Variants in PAK2 observed in about 807,000 individuals in gnomAD.
PAK2 encodes the protein p21 (RAC1) activated kinase 2, also known as serine/threonine-protein kinase PAK 2.
PAK2 carries 21 observed loss-of-function variants against 65.9 expected under a neutral mutation model. The observed-to-expected ratio is 0.32, with a 90% CI of 0.23 to 0.46. PAK2 has a LOEUF of 0.46. Ranked by LOEUF, PAK2 falls within the 20% of genes least tolerant of loss-of-function variation. The pLI, the probability that PAK2 is intolerant of heterozygous loss-of-function variation, is 1.00. For missense variants in PAK2, 324 were observed against 642.6 expected (o/e 0.50, Z 5.36); for synonymous variants, 204 against 219.7 (o/e 0.93, Z 0.63).
In PAK2 at chr3:196,828,453, C is replaced by T. The variant is rs369652191; in HGVS notation, c.*48C>T. On this transcript the variant is annotated 3_prime_UTR_variant, in exon 15 of 15. Coordinates refer to ENST00000327134, the MANE Select transcript of PAK2 (RefSeq NM_002577.4). ...TCTTTTTTCCATTTTCTACAAGAAG[C>T]CTTTTAGTATATGAAAATTATTACT... 3.7e-6 allele frequency: 4 copies of T among 1,082,556 alleles called. No homozygotes were observed. In the Admixed American group the frequency reaches 5.6e-5, roughly 15 times the overall value. The allele number at this position is 1,082,556 out of a possible 1,614,324, so 67.1% of individuals were successfully genotyped here.
chr3:196,760,038 A>G (rs1713910141), intron 1 of PAK2, among the ~76,000 whole-genome samples: 1 of 152,070 alleles, frequency 6.6e-6, no homozygotes, highest in Non-Finnish European at 1.5e-5. Flanking sequence ...GGTTTCTTTC[A>G]TTTAACACAG....
intron 1 of PAK2, among the ~76,000 whole-genome samples, chr3:196,751,741 CTTTTTT>C (rs200558658): frequency 0.012 from 950 of 79,300 alleles, 56 homozygotes; most frequent in African/African-American, 0.054. Flanking sequence ...AAATGAATTT[CTTTTTT>C]TTTTTTTTTT....
At position 196,786,397 on chromosome 3, in the gene PAK2, G is replaced by T. The variant is rs1336694178; in HGVS notation, c.187+3564G>T. The stretch of plus-strand genomic sequence containing the variant: ...AGGCTGGTCTTGAACTTCTGACCTT[G>T]TGATCCACCTGCCTCAGCCTCCCAA... On this transcript the variant is annotated intron_variant, in intron 2 of 14. Coordinates refer to ENST00000327134, the MANE Select transcript of PAK2 (RefSeq NM_002577.4). 2.0e-5 allele frequency among the ~76,000 whole-genome samples: 3 copies of T among 152,060 alleles called. No homozygotes were observed. The East Asian group carries it at 5.8e-4, about 29-fold the overall frequency.
chr3:196,826,368 T>C (rs1324360986), intron 13 of PAK2, among the ~76,000 whole-genome samples: 2 of 151,970 alleles, frequency 1.3e-5, no homozygotes, highest in Admixed American at 6.6e-5. Flanking sequence ...GAGACAGGGT[T>C]TCACCATGTT....
At chr3:196,781,977 G>C (rs556688519) in intron 1 of PAK2, among the ~76,000 whole-genome samples, 1 of 152,256 alleles carries the variant, frequency 6.6e-6, no homozygotes, top group Non-Finnish European at 1.5e-5. Context: ...GTGGTGGCAT[G>C]CGGCTGTAAT....
At chr3:196,750,688 A>T (rs1352845203) in intron 1 of PAK2, among the ~76,000 whole-genome samples, 1 of 151,274 alleles carries the variant, frequency 6.6e-6, no homozygotes, top group Non-Finnish European at 1.5e-5. Context: ...TTTATTCCAA[A>T]GTGAATGCTT....
chr3:196,778,128 C>T (rs578039940), intron 1 of PAK2, among the ~76,000 whole-genome samples: 9 of 152,102 alleles, frequency 5.9e-5, no homozygotes, highest in African/African-American at 1.2e-4. Flanking sequence ...GCCCCTGTTC[C>T]GGACATTTCA....
intron 1 of PAK2, among the ~76,000 whole-genome samples, chr3:196,761,417 A>C (rs371153111): frequency 0.44 from 28,663 of 64,612 alleles, 6,530 homozygotes; most frequent in Non-Finnish European, 0.5. Flanking sequence ...CACCGCCCTT[A>C]ATCCATTTAA....
chr3:196,806,271 T>A (rs1371918851), intron 5 of PAK2, among the ~76,000 whole-genome samples: 2 of 152,154 alleles, frequency 1.3e-5, no homozygotes, highest in Non-Finnish European at 2.9e-5. Flanking sequence ...CCAGAGGATC[T>A]TTGATTTTGG....
intron 4 of PAK2, among the ~76,000 whole-genome samples, chr3:196,805,012 ATTTGT>A (rs921078848): frequency 1.3e-4 from 20 of 152,150 alleles, no homozygotes; most frequent in African/African-American, 4.8e-4. Context: ...TTATCAATAA[ATTTGT>A]TTTGTTTTAA....
At chr3:196,824,532 A>C (rs976547873) in intron 13 of PAK2, among the ~76,000 whole-genome samples, 6 of 152,206 alleles carry the variant, frequency 3.9e-5, no homozygotes, top group African/African-American at 1.2e-4. Flanking sequence ...TATTATTTCA[A>C]CTGTAGAGAG....
intron 1 of PAK2, among the ~76,000 whole-genome samples, chr3:196,759,738 G>A (rs1284763754): frequency 1.3e-5 from 2 of 151,782 alleles, no homozygotes; most frequent in Non-Finnish European, 2.9e-5. Context: ...TACTGGCCAG[G>A]CTGGTCTTGA....
intron 1 of PAK2, among the ~76,000 whole-genome samples, chr3:196,754,595 G>A (rs1221363893): frequency 1.3e-5 from 2 of 152,122 alleles, no homozygotes; most frequent in Non-Finnish European, 2.9e-5. Flanking sequence ...CTCATTTCTA[G>A]CATGTGCTGC....
chr3:196,813,887 C>A (rs1317290037), intron 10 of PAK2, among the ~76,000 whole-genome samples: 1 of 151,240 alleles, frequency 6.6e-6, no homozygotes, highest in African/African-American at 2.4e-5. Context: ...GAGGTGGAGG[C>A]TGCAGTGAGC....
At chr3:196,809,591 C>T (rs1333410616) in intron 7 of PAK2, among the ~76,000 whole-genome samples, 1 of 150,470 alleles carries the variant, frequency 6.6e-6, no homozygotes, top group African/African-American at 2.4e-5. Flanking sequence ...CATGAGTCAC[C>T]ACACCTGGCC....
At chr3:196,793,999 C>T (rs910985320) in intron 2 of PAK2, among the ~76,000 whole-genome samples, 3 of 151,828 alleles carry the variant, frequency 2.0e-5, no homozygotes, top group South Asian at 2.1e-4. Context: ...GGCTCGGTGG[C>T]GTACACCTGT....
chr3:196,753,552 T>C (rs1053839306), intron 1 of PAK2, among the ~76,000 whole-genome samples: 5 of 152,232 alleles, frequency 3.3e-5, no homozygotes, highest in Admixed American at 6.5e-5. Flanking sequence ...ATTGAAACCT[T>C]GTTTATGTGA....
chr3:196,757,814 T>C (rs913487368), intron 1 of PAK2, among the ~76,000 whole-genome samples: 4 of 152,186 alleles, frequency 2.6e-5, no homozygotes, highest in Admixed American at 1.3e-4. Flanking sequence ...ATACTCGCGT[T>C]AGATACTGAA....
chr3:196,811,990 C>G (rs1228750493), intron 8 of PAK2, among the ~76,000 whole-genome samples: 1 of 151,854 alleles, frequency 6.6e-6, no homozygotes. Flanking sequence ...CTCTTTTTTC[C>G]CTACATTTTT....
Sources: allele counts gnomAD v4.1 joint callset (sites outside exome capture counted in the v4.1 genomes callset), GRCh38; gene constraint gnomAD v4.1.1; transcripts MANE v1.5; gene names NCBI Gene and HGNC (gene_info 2026-07-23, HGNC 2026-07-21).